The following BTN3A2 variants were observed in gnomAD, a reference collection of about 807,000 sequenced individuals.
The protein encoded by BTN3A2 is butyrophilin protein.
Under a neutral mutation model 37.6 loss-of-function variants are expected in BTN3A2, and 25 were observed. The ratio of observed to expected loss-of-function variants is 0.66; its 90% CI spans 0.48 to 0.93. The LOEUF (loss-of-function observed/expected upper bound fraction) is 0.93. Among genes scored for constraint, BTN3A2 ranks in the 40% least tolerant of loss-of-function variants. BTN3A2 has a pLI of 0.00. For synonymous variants in BTN3A2, 122 were observed against 159.4 expected (o/e 0.77, Z 1.77); for missense variants, 266 against 410.9 (o/e 0.65, Z 3.05).
rs189512674 is a variant in BTN3A2 at position 26,374,279 on chromosome 6, C to T, written c.965-48C>T. On this transcript the variant is annotated intron_variant, in intron 8 of 10. Transcript: ENST00000377708. ...CAAAAAGAAGGGGAAGGGGCCAACA[C>T]AGAAAAGGCAGAGTTCTGGTGACAC... 2.1e-4 allele frequency: 265 copies of T among 1,247,002 alleles called. No individual in the cohort carries two copies. In the African/African-American group the frequency reaches 3.6e-3, roughly 17 times the overall value. 77.2% of individuals were successfully genotyped at this position (1,247,002 alleles called of 1,614,324 possible).
Position 26,376,130 on chromosome 6 carries a change from A to G in BTN3A2, c.*368A>G, listed in dbSNP as rs1031989034. ...CGGGAGGCTGAGGCAGGAGAATGGC[A>G]TGAACCCGGAAGGCAGAGCTTGCAG... On this transcript the variant is annotated 3_prime_UTR_variant, in exon 11 of 11. Transcript: ENST00000377708. The G allele has an allele frequency of 1.7e-4, 37 of 223,278 alleles. No homozygotes were observed. Among genetic ancestry groups the G allele is most frequent in the Non-Finnish European group, 2.0e-4 (22 of 112,622 alleles). The allele number at this position is 223,278 out of a possible 1,614,324, so 13.8% of individuals were successfully genotyped here.
intron 8 of BTN3A2, 161 bp downstream of exon 8, chr6:26,373,574 G>C: frequency 5.7e-6 from 2 of 353,462 alleles, no homozygotes; most frequent in Non-Finnish European, 9.3e-6. Context: ...ACCACCCAGT[G>C]CTTTTTCTCT....
chr6:26,374,730 A>G, intron 9 of BTN3A2, 41 bp from the exon 10 acceptor site: 1 of 1,510,276 alleles, frequency 6.6e-7, no homozygotes, highest in South Asian at 1.1e-5. Context: ...AAAAGTACAA[A>G]AATACTGACC....
At position 26,373,561 on chromosome 6, in the gene BTN3A2, G is replaced by A. The variant is rs1760367241; in HGVS notation, c.964+148G>A. On this transcript the variant is annotated intron_variant, in intron 8 of 10. Coordinates refer to ENST00000377708, the MANE Select transcript of BTN3A2 (RefSeq NM_007047.5). ...AAGAAAACAAGTGTGGCTCTTTGGA[G>A]AAACCACCCAGTGCTTTTTCTCTCT... 3.6e-5 allele frequency: 13 copies of A among 356,784 alleles called. No individual in the cohort carries two copies. The South Asian group carries it at 4.5e-4, about 12-fold the overall frequency. 22.1% of individuals were successfully genotyped at this position (356,784 alleles called of 1,614,324 possible). A position where few individuals can be genotyped will look rare whatever the true frequency, so the allele number is the denominator to read the frequency against.
chr6:26,374,896 AG>A (rs1459761669), intron 10 of BTN3A2, 98 bp downstream of exon 10: 5 of 1,322,922 alleles, frequency 3.8e-6, no homozygotes, highest in Non-Finnish European at 5.2e-6. Flanking sequence ...GGAGCAGAAA[AG>A]TTCCCTTGAC....
chr6:26,374,964 A>T, intron 10 of BTN3A2, 166 bp downstream of exon 10: 1 of 605,094 alleles, frequency 1.7e-6, no homozygotes. Flanking sequence ...GGAGACACAC[A>T]CTGAGTAATA....
chr6:26,372,713 G>C, intron 5 of BTN3A2, 184 bp from the exon 6 acceptor site: 1 of 647,596 alleles, frequency 1.5e-6, no homozygotes, highest in Non-Finnish European at 2.6e-6. Context: ...GTAGTAGCTT[G>C]TAGTGAGGGT....
intron 5 of BTN3A2, among the ~76,000 whole-genome samples, chr6:26,371,878 C>A (rs1399465594): frequency 6.6e-6 from 1 of 152,104 alleles, no homozygotes; most frequent in Non-Finnish European, 1.5e-5. Flanking sequence ...AAGGTTTTAC[C>A]ATGTTGGCCA....
At chr6:26,370,291 C>G in intron 4 of BTN3A2, 31 bp from the exon 5 acceptor site, 1 of 1,610,238 alleles carries the variant, frequency 6.2e-7, no homozygotes, top group Admixed American at 1.7e-5. Context: ...CAGGAGCTAT[C>G]CAGAATTTAG....
Position 26,376,465 on chromosome 6 carries a change from C to T in BTN3A2, c.*703C>T, listed in dbSNP as rs530113292. 1,203 of 986,980 alleles carry T rather than the reference C, an allele frequency of 1.2e-3. 6 individuals carry two copies. Among genetic ancestry groups the T allele is most frequent in the Non-Finnish European group, 1.2e-3 (866 of 718,162 alleles). 61.1% of individuals were successfully genotyped at this position (986,980 alleles called of 1,614,324 possible). A position where few individuals can be genotyped will look rare whatever the true frequency, so the allele number is the denominator to read the frequency against. The stretch of plus-strand genomic sequence containing the variant: ...TCACATTCAGGGCAGGCTAGGGACA[C>T]GGGGTTCTGGAAGGACCTCCTCAGC... On this transcript the variant is annotated 3_prime_UTR_variant, in exon 11 of 11. Coordinates refer to ENST00000377708, the MANE Select transcript of BTN3A2 (RefSeq NM_007047.5).
intron 8 of BTN3A2, chr6:26,373,754 C>A: frequency 4.0e-6 from 1 of 251,328 alleles, no homozygotes; most frequent in Non-Finnish European, 7.4e-6. Flanking sequence ...TTGTTGTTTC[C>A]CATAATCTAG....
intron 4 of BTN3A2, among the ~76,000 whole-genome samples, chr6:26,369,406 G>T (rs1357117443): frequency 1.3e-5 from 2 of 152,214 alleles, no homozygotes; most frequent in African/African-American, 4.8e-5. Flanking sequence ...CACACATCAT[G>T]GGGAGCTGTG....
rs13202331 is a variant in BTN3A2, at chr6:26,373,262, T to G, written c.917-14T>G. 1.5e-5 allele frequency: 22 copies of G among 1,432,432 alleles called. No individual in the cohort carries two copies. The highest frequency in any genetic ancestry group is 3.4e-5 in the African/African-American group (2 of 58,498). The allele number at this position is 1,432,432 out of a possible 1,614,324, so 88.7% of individuals were successfully genotyped here. On this transcript the variant is annotated splice_polypyrimidine_tract_variant and intron_variant, in intron 6 of 10. Coordinates refer to ENST00000377708, the MANE Select transcript of BTN3A2 (RefSeq NM_007047.5). ...CTTTTTTTTTTTTTTTTTTTTTTTT[T>G]GGTTATTTTCCAGAGAGCCTCCAGG...
Position 26,377,391 on chromosome 6 carries a change from G to A in BTN3A2, c.*1629G>A, listed in dbSNP as rs1045923968. 9 of 515,688 alleles carry A rather than the reference G, an allele frequency of 1.7e-5. No homozygotes were observed. The highest frequency in any genetic ancestry group is 3.2e-5 in the Non-Finnish European group (9 of 283,356). The allele number at this position is 515,688 out of a possible 1,614,324, so 31.9% of individuals were successfully genotyped here. A position where few individuals can be genotyped will look rare whatever the true frequency, so the allele number is the denominator to read the frequency against. On this transcript the variant is annotated 3_prime_UTR_variant, in exon 11 of 11. Coordinates refer to ENST00000377708, the MANE Select transcript of BTN3A2 (RefSeq NM_007047.5). ...CCTTTATACAGATAAGGAAACTGGG[G>A]TGTAGAAAAGTGTATTGACTTTACA... is the stretch of plus-strand genomic sequence containing the variant.
chr6:26,377,426 G>A lies in BTN3A2; in HGVS notation c.*1664G>A. 1 of 466,696 alleles carries A rather than the reference G, an allele frequency of 2.1e-6. No individual in the cohort carries two copies. Among genetic ancestry groups the A allele is most frequent in the South Asian group, 2.1e-5 (1 of 47,688 alleles). 28.9% of individuals were successfully genotyped at this position (466,696 alleles called of 1,614,324 possible). ...GTGTATTGACTTTACAAAGCAGACA[G>A]GAATAGTGAACAACAGAGCTGGGAT... is the stretch of plus-strand genomic sequence containing the variant. On this transcript the variant is annotated 3_prime_UTR_variant, in exon 11 of 11. Transcript: ENST00000377708.
Position 26,374,751 on chromosome 6 carries a change from C to G in BTN3A2, c.*7-20C>G. On this transcript the variant is annotated intron_variant, in intron 9 of 10. Transcript: ENST00000377708. ...ACAAAAATACTGACCTTTTTCTTATCTGTGTCTCCTTCCTTTCAGAATGGA... is the reference window on the plus strand; with the variant it reads ...ACAAAAATACTGACCTTTTTCTTATGTGTGTCTCCTTCCTTTCAGAATGGA... The G allele has an allele frequency of 6.6e-7, 1 of 1,526,072 alleles. No individual in the cohort carries two copies. The highest frequency in any genetic ancestry group is 1.1e-5 in the South Asian group (1 of 88,892). The allele number at this position is 1,526,072 out of a possible 1,614,324, so 94.5% of individuals were successfully genotyped here.
At chr6:26,372,754 A>T (rs969365126) in intron 5 of BTN3A2, 143 bp from the exon 6 acceptor site, 2 of 958,970 alleles carry the variant, frequency 2.1e-6, no homozygotes, top group African/African-American at 3.3e-5. Context: ...GTCCTCTGAG[A>T]CTTTAGGGAG....
rs972561260 is a variant in BTN3A2, at chr6:26,368,591, G to T, written c.112G>T (p.Gly38Trp). 3.1e-6 allele frequency: 5 copies of T among 1,613,942 alleles called. No individual in the cohort carries two copies. The highest frequency in any genetic ancestry group is 3.3e-5 in the Admixed American group (2 of 60,008). The change falls in exon 4 of 11, where the codon GGG becomes TGG. Residue 38 changes from glycine to tryptophan, a missense_variant. Coordinates refer to ENST00000377708, the MANE Select transcript of BTN3A2 (RefSeq NM_007047.5). The part of the protein sequence containing the change: ...SAQFSVLGPS[G>W]PILAMVGEDA... ...TCAGTTTTCTGTGCTTGGACCCTCTGGGCCCATCCTGGCCATGGTGGGTGA... is the reference window on the plus strand; with the variant it reads ...TCAGTTTTCTGTGCTTGGACCCTCTTGGCCCATCCTGGCCATGGTGGGTGA...
Position 26,373,068 on chromosome 6 carries a change from C to T in BTN3A2, c.887C>T (p.Ala296Val). The T allele has an allele frequency of 6.2e-7, 1 of 1,614,120 alleles. No homozygotes were observed. The highest frequency in any genetic ancestry group is 8.5e-7 in the Non-Finnish European group (1 of 1,180,036). The change falls in exon 6 of 11, where the codon GCT becomes GTT. Residue 296 changes from alanine (A) to valine (V), a missense_variant. Around this residue, in one of 3 missense-constraint regions of BTN3A2, gnomAD observed 204 missense variants for 232.6 expected, o/e 0.88. Transcript: ENST00000377708. ...CAAGAGATGAAAGAAATGGGATATGCTGCAACAGAGCGGGAAATAAGCCTA... is the reference window on the plus strand; with the variant it reads ...CAAGAGATGAAAGAAATGGGATATGTTGCAACAGAGCGGGAAATAAGCCTA... ...SEQEMKEMGYAATEREISLRE... is the reference protein window; with the variant it reads ...SEQEMKEMGYVATEREISLRE...
Sources: allele counts gnomAD v4.1 joint callset (sites outside exome capture counted in the v4.1 genomes callset), GRCh38; gene constraint gnomAD v4.1.1; regional missense constraint gnomAD v4.1.1; transcripts MANE v1.5; gene names NCBI Gene and HGNC (gene_info 2026-07-23, HGNC 2026-07-21).